Variants in ASIC5 observed in about 807,000 individuals in gnomAD.
ASIC5 encodes acid sensing ion channel subunit family member 5, also known as bile acid-sensitive ion channel.
ASIC5 carries 52 observed loss-of-function variants against 51.2 expected under a neutral mutation model. The observed-to-expected ratio is 1.02, with a 90% confidence interval of 0.81 to 1.28. The LOEUF is 1.28. Among genes scored for constraint, ASIC5 ranks in the 50% most tolerant of loss-of-function variants. The pLI is 0.00. For missense variants in ASIC5, 635 were observed against 595.0 expected (o/e 1.07, Z -0.70); for synonymous variants, 231 against 200.7 (o/e 1.15, Z -1.28).
At position 155,843,703 on chromosome 4, in the gene ASIC5, C is replaced by G. The variant is rs1560744454; in HGVS notation, c.839G>C (p.Arg280Thr). ...GLLSPVGMHA[R>T]VTIRQVKTVH... ...TACCTTCACTTGGCGGATGGTTACC[C>G]TTGCGTGCATTCCCACAGGTGACAA... The change falls in exon 5 of 10, where the codon AGG (arginine) becomes ACG (threonine). Residue 280 changes from arginine to threonine, a missense_variant. By Grantham distance (71) the Arg-to-Thr change is moderately conservative (BLOSUM62 -1). Transcript: ENST00000537611. 3 of 1,613,382 alleles carry G rather than the reference C, an allele frequency of 1.9e-6. No individual in the cohort carries two copies.
At chr4:155,859,329 A>G (rs1293280653) in intron 2 of ASIC5, among the ~76,000 whole-genome samples, 1 of 152,034 alleles carries the variant, frequency 6.6e-6, no homozygotes, top group African/African-American at 2.4e-5. Flanking sequence ...TGACATGAAT[A>G]TATAGGCCAT....
chr4:155,836,743 TG>T lies in ASIC5; in HGVS notation c.1180del (p.Gln394LysfsTer4). ...ATISYSSFPS[Q>X]KALKYLSKKL... is the part of the protein sequence containing the mutation. ...CTTGGAAAGATATTTCAAAGCTTTT[TG>T]ACTTGGAAAAGAGGAATAAGAAATA... On this transcript the variant is annotated frameshift_variant, in exon 8 of 10. Transcript: ENST00000537611. LOFTEE classifies it high-confidence loss of function. The T allele has an allele frequency of 6.2e-7, 1 of 1,611,864 alleles. No homozygotes were observed. Among genetic ancestry groups the T allele is most frequent in the Non-Finnish European group, 8.5e-7 (1 of 1,178,218 alleles).
intron 8 of ASIC5, among the ~76,000 whole-genome samples, chr4:155,835,669 T>C (rs1740963750): frequency 6.6e-6 from 1 of 152,206 alleles, no homozygotes; most frequent in African/African-American, 2.4e-5. Flanking sequence ...TAAATAGATG[T>C]CTGTGCTGGA....
rs147908426 is a variant in ASIC5 at position 155,843,739 on chromosome 4, C to T, written c.803G>A (p.Gly268Glu). Residue 268 changes from glycine (G) to glutamate (E), a missense_variant, in exon 5 of 10, where the codon GGG becomes GAG. Physicochemically the swap from Gly to Glu is moderately conservative, Grantham distance 98 (BLOSUM62 -2). Transcript: ENST00000537611. ...HSPKKVPQFD[G>E]LGLLSPVGMH... is the part of the protein sequence containing the mutation. Reference sequence around the variant, plus strand: ...TCCCACAGGTGACAACAAGCCTAACCCATCAAACTGTGGCACCTTCTTTGG... The same window carrying T: ...TCCCACAGGTGACAACAAGCCTAACTCATCAAACTGTGGCACCTTCTTTGG... 8.7e-6 allele frequency: 14 copies of T among 1,613,640 alleles called. No individual in the cohort carries two copies. The highest frequency in any genetic ancestry group is 4.5e-5 in the East Asian group (2 of 44,838).
chr4:155,836,199 C>G (rs1271499073), intron 8 of ASIC5, among the ~76,000 whole-genome samples: 1 of 152,142 alleles, frequency 6.6e-6, no homozygotes, highest in Non-Finnish European at 1.5e-5. Flanking sequence ...ACATGGGGAC[C>G]AGCGTCAAAG....
chr4:155,866,082 T>C, intron 1 of ASIC5, 105 bp downstream of exon 1: 1 of 675,502 alleles, frequency 1.5e-6, no homozygotes, highest in Non-Finnish European at 2.5e-6. Context: ...CAAGTAACAT[T>C]GGAAATCAAA....
intron 2 of ASIC5, among the ~76,000 whole-genome samples, chr4:155,861,623 A>T (rs922390764): frequency 6.6e-6 from 1 of 152,150 alleles, no homozygotes; most frequent in Non-Finnish European, 1.5e-5. Flanking sequence ...ATCCATTCTG[A>T]TAACCTTTGC....
intron 7 of ASIC5, among the ~76,000 whole-genome samples, chr4:155,838,506 T>C (rs1388110114): frequency 6.6e-6 from 1 of 152,214 alleles, no homozygotes; most frequent in Admixed American, 6.5e-5. Flanking sequence ...CTTTCTATTC[T>C]GTAGTATTTT....
intron 6 of ASIC5, among the ~76,000 whole-genome samples, chr4:155,841,347 T>TA (rs1741115488): frequency 6.6e-6 from 1 of 152,146 alleles, no homozygotes; most frequent in African/African-American, 2.4e-5. Flanking sequence ...CCAGGCACTA[T>TA]TTGAACCACT....
At chr4:155,853,686 C>T (rs1741448241) in intron 3 of ASIC5, among the ~76,000 whole-genome samples, 1 of 149,790 alleles carries the variant, frequency 6.7e-6, no homozygotes, top group Admixed American at 6.7e-5. Flanking sequence ...TTTCTATAGT[C>T]TCTAATGCAA....
intron 2 of ASIC5, among the ~76,000 whole-genome samples, chr4:155,862,490 G>A (rs1259512699): frequency 6.6e-6 from 1 of 152,186 alleles, no homozygotes; most frequent in East Asian, 1.9e-4. Context: ...GTCTTAAGAA[G>A]CCCTCCCTTC....
At chr4:155,853,222 A>T (rs1741426274) in intron 3 of ASIC5, among the ~76,000 whole-genome samples, 1 of 152,072 alleles carries the variant, frequency 6.6e-6, no homozygotes. Flanking sequence ...CTTACTTTCC[A>T]AGTTAAGAGT....
At chr4:155,837,474 G>A (rs1741011631) in intron 7 of ASIC5, among the ~76,000 whole-genome samples, 1 of 152,100 alleles carries the variant, frequency 6.6e-6, no homozygotes, top group Non-Finnish European at 1.5e-5. Flanking sequence ...GGTAGTGTTT[G>A]TCTCCAGCTT....
At chr4:155,841,389 A>G (rs1271835726) in intron 6 of ASIC5, among the ~76,000 whole-genome samples, 5 of 152,120 alleles carry the variant, frequency 3.3e-5, no homozygotes, top group East Asian at 1.9e-4. Context: ...CAACAACCCT[A>G]TAAGATGGGA....
At chr4:155,852,145 C>A (rs1234855000) in intron 4 of ASIC5, 46 bp downstream of exon 4, 4 of 1,607,524 alleles carry the variant, frequency 2.5e-6, no homozygotes, top group East Asian at 4.5e-5. Flanking sequence ...GTTTTTGAAA[C>A]CCCCACACAT....
intron 7 of ASIC5, 151 bp downstream of exon 7, chr4:155,838,662 G>C: frequency 2.1e-6 from 1 of 479,888 alleles, no homozygotes; most frequent in Non-Finnish European, 3.7e-6. Context: ...GTGTTTGTTA[G>C]CTACTATTTA....
chr4:155,852,375 A>G (rs1741402925), intron 3 of ASIC5, 59 bp from the exon 4 acceptor site: 1 of 1,515,226 alleles, frequency 6.6e-7, no homozygotes, highest in African/African-American at 1.4e-5. Flanking sequence ...TCACTTCTCA[A>G]GTTTGCCATA....
At chr4:155,846,261 G>T (rs565593670) in intron 4 of ASIC5, among the ~76,000 whole-genome samples, 28 of 151,936 alleles carry the variant, frequency 1.8e-4, no homozygotes, top group Admixed American at 3.3e-4. Flanking sequence ...TATTAATCAG[G>T]CTATTTCAAC....
At chr4:155,864,917 T>C (rs539590099) in intron 1 of ASIC5, 1 of 152,238 alleles carries the variant, frequency 6.6e-6, no homozygotes, top group East Asian at 1.9e-4. Context: ...GAATTAACTT[T>C]TATATCCTTT....
Sources: allele counts gnomAD v4.1 joint callset (sites outside exome capture counted in the v4.1 genomes callset), GRCh38; gene constraint gnomAD v4.1.1; transcripts MANE v1.5; gene names NCBI Gene and HGNC (gene_info 2026-07-23, HGNC 2026-07-21).